PRSS12: variants seen among roughly 807,000 people sequenced by gnomAD.
PRSS12 encodes the protein neurotrypsin.
PRSS12 carries 85 observed loss-of-function variants against 104.4 expected under a neutral mutation model. The observed-to-expected ratio is 0.81, with a 90% CI of 0.68 to 0.98. The LOEUF is 0.98. Among genes scored for constraint, PRSS12 ranks in the 50% least tolerant of loss-of-function variants. The pLI is 0.00. For missense variants in PRSS12, 1,141 were observed against 1,139.2 expected (o/e 1.00, Z -0.02); for synonymous variants, 454 against 425.2 (o/e 1.07, Z -0.83).
chr4:118,298,876 T>C lies in PRSS12; in HGVS notation c.1694A>G (p.Asp565Gly). The change falls in exon 9 of 13, where the codon GAT becomes GGT. Residue 565 changes from aspartate to glycine, a missense_variant. Physicochemically the swap from Asp to Gly is moderately conservative, Grantham distance 94 (BLOSUM62 -1). Transcript: ENST00000296498. ...FGEGKGPIHV[D>G]NVKCTGNERS... ...CTCATTTCCTGTGCACTTCACATTA[T>C]CCACATGGATGGGTCCTTTTCCTTC... The C allele has an allele frequency of 6.2e-7, 1 of 1,614,210 alleles. No individual in the cohort carries two copies. The highest frequency in any genetic ancestry group is 1.3e-5 in the African/African-American group (1 of 75,064).
intron 4 of PRSS12, among the ~76,000 whole-genome samples, chr4:118,319,641 A>C (rs914276925): frequency 6.6e-6 from 1 of 152,094 alleles, no homozygotes; most frequent in Non-Finnish European, 1.5e-5. Context: ...TGTTATTTTC[A>C]GTTCTTTGTT....
intron 4 of PRSS12, among the ~76,000 whole-genome samples, chr4:118,327,637 C>G (rs1420461086): frequency 6.6e-6 from 1 of 152,116 alleles, no homozygotes; most frequent in African/African-American, 2.4e-5. Context: ...TATGATCTCA[C>G]AGTACAAAGC....
rs1211197388 is a variant in PRSS12 at position 118,316,265 on chromosome 4, A to G, written c.1209T>C (p.Tyr403=). 1.2e-6 allele frequency: 2 copies of G among 1,614,092 alleles called. No individual in the cohort carries two copies. The highest frequency in any genetic ancestry group is 1.7e-6 in the Non-Finnish European group (2 of 1,179,998). ...KGSHEGRLEV[Y]YRGQWGTVCD... is the part of the protein sequence containing the mutation. ...AGACAGTTCCCCACTGGCCTCTGTA[A>G]TATACCTCCAAGCGACCCTCATGGC... The change falls in exon 6 of 13, where the codon TAT becomes TAC. Residue 403 remains tyrosine, a synonymous_variant. Coordinates refer to ENST00000296498, the MANE Select transcript of PRSS12 (RefSeq NM_003619.4).
At chr4:118,338,051 G>A (rs1008744517) in intron 2 of PRSS12, 125 bp downstream of exon 2, 7 of 1,281,546 alleles carry the variant, frequency 5.5e-6, no homozygotes, top group African/African-American at 4.4e-5. Context: ...GCTCTTTTGT[G>A]AAAAGTGAGA....
chr4:118,297,462 G>A (rs1303149379), intron 9 of PRSS12, among the ~76,000 whole-genome samples: 2 of 151,864 alleles, frequency 1.3e-5, no homozygotes, highest in Admixed American at 1.3e-4. Flanking sequence ...TCAGGGGAAA[G>A]AGCTGGCCAA....
In PRSS12 at chr4:118,282,056, CTCTCCGG is replaced by C. The variant is rs1406221962; in HGVS notation, c.2501_2507del (p.Pro834ArgfsTer8). 1.2e-6 allele frequency: 2 copies of C among 1,614,254 alleles called. No individual in the cohort carries two copies. Among genetic ancestry groups the C allele is most frequent in the East Asian group, 4.5e-5 (2 of 44,894 alleles). Reference sequence around the variant, plus strand: ...AGGTCACCCCATACACCACCCAGCTCTCTCCGGGCCGTTCACACATGAGTGGTCCTCC... The same window carrying C: ...AGGTCACCCCATACACCACCCAGCTCGCCGTTCACACATGAGTGGTCCTCC... On this transcript the variant is annotated frameshift_variant, in exon 13 of 13. Transcript: ENST00000296498. LOFTEE classifies it high-confidence loss of function.
chr4:118,316,854 A>ATATATATC (rs1375147278), intron 5 of PRSS12, among the ~76,000 whole-genome samples: 209 of 146,510 alleles, frequency 1.4e-3, no homozygotes, highest in Middle Eastern at 0.011. Flanking sequence ...ATATATATAT[A>ATATATATC]TATCTTTCCT....
chr4:118,295,732 T>C (rs1213214585), intron 10 of PRSS12, 46 bp downstream of exon 10: 3 of 1,522,746 alleles, frequency 2.0e-6, no homozygotes, highest in South Asian at 1.1e-5. Context: ...TCTATGTATA[T>C]AAATAATTCT....
chr4:118,301,866 A>C (rs1315915783), intron 8 of PRSS12, among the ~76,000 whole-genome samples: 1 of 152,174 alleles, frequency 6.6e-6, no homozygotes, highest in Non-Finnish European at 1.5e-5. Context: ...TGGGTTTTCT[A>C]GGTGAACAAT....
intron 4 of PRSS12, 69 bp downstream of exon 4, chr4:118,331,647 C>T: frequency 6.3e-7 from 1 of 1,595,008 alleles, no homozygotes; most frequent in Non-Finnish European, 8.6e-7. Context: ...AAACAAACAG[C>T]ACCTGCCTTT....
chr4:118,299,886 C>A (rs1440267669), intron 8 of PRSS12, among the ~76,000 whole-genome samples: 1 of 147,838 alleles, frequency 6.8e-6, no homozygotes, highest in African/African-American at 2.4e-5. Flanking sequence ...GAGGCTGAGG[C>A]AGGAGAATGG....
At chr4:118,286,091 T>C (rs914052416) in intron 11 of PRSS12, among the ~76,000 whole-genome samples, 4 of 152,214 alleles carry the variant, frequency 2.6e-5, no homozygotes, top group Non-Finnish European at 5.9e-5. Context: ...GCCAAGACTA[T>C]TGCAGTAGTC....
rs1180330196 is a variant in PRSS12, at chr4:118,290,252, C to T, written c.2039+4687G>A. On this transcript the variant is annotated intron_variant, in intron 11 of 12. Coordinates refer to ENST00000296498, the MANE Select transcript of PRSS12 (RefSeq NM_003619.4). ...AACAACAACAAAAAAAAGAGCCCAT[C>T]CAGGGAACCCAAAAGTTAAAGTGTT... Among the ~76,000 whole-genome samples, 10 of 152,086 alleles carry T rather than the reference C, an allele frequency of 6.6e-5. No individual in the cohort carries two copies. In the East Asian group the frequency reaches 1.9e-3, roughly 29 times the overall value.
intron 11 of PRSS12, 88 bp downstream of exon 11, chr4:118,294,851 G>C: frequency 6.4e-7 from 1 of 1,556,266 alleles, no homozygotes; most frequent in Non-Finnish European, 8.8e-7. Context: ...GCCTGGCTCT[G>C]ACACCTTGAG....
At chr4:118,335,370 A>T in intron 3 of PRSS12, 103 bp downstream of exon 3, 1 of 1,331,370 alleles carries the variant, frequency 7.5e-7, no homozygotes, top group Non-Finnish European at 1.0e-6. Context: ...TTCTGTAATT[A>T]AAGTCTTTAA....
intron 5 of PRSS12, among the ~76,000 whole-genome samples, chr4:118,317,432 G>C (rs1723475125): frequency 6.6e-6 from 1 of 152,128 alleles, no homozygotes; most frequent in Non-Finnish European, 1.5e-5. Flanking sequence ...TTAAAGTAAA[G>C]GTCTCTGAGC....
chr4:118,293,791 A>G (rs1476688720), intron 11 of PRSS12, among the ~76,000 whole-genome samples: 2 of 152,226 alleles, frequency 1.3e-5, no homozygotes, highest in African/African-American at 4.8e-5. Flanking sequence ...TTATAAACTG[A>G]TACAATTTCT....
At chr4:118,323,659 G>C (rs577932730) in intron 4 of PRSS12, among the ~76,000 whole-genome samples, 1 of 151,808 alleles carries the variant, frequency 6.6e-6, no homozygotes, top group East Asian at 1.9e-4. Context: ...AACCAAAAAA[G>C]TTAAATTCAA....
Position 118,282,898 on chromosome 4 carries a change from T to C in PRSS12, c.2253A>G (p.Leu751=). 1 of 1,614,190 alleles carries C rather than the reference T, an allele frequency of 6.2e-7. No homozygotes were observed. The highest frequency in any genetic ancestry group is 8.5e-7 in the Non-Finnish European group (1 of 1,180,026). The stretch of plus-strand genomic sequence containing the variant: ...TCTGTGGCCTCTCTCTCCAGAGTGG[T>C]AAACAGGCTGGCAAAACATGGCTGC... The part of the protein sequence containing the change: ...RFSSHVLPAC[L]PLWRERPQKT... The change falls in exon 12 of 13, where the codon TTA becomes TTG. Residue 751 remains leucine, a synonymous_variant. Coordinates refer to ENST00000296498, the MANE Select transcript of PRSS12 (RefSeq NM_003619.4).
Sources: allele counts gnomAD v4.1 joint callset (sites outside exome capture counted in the v4.1 genomes callset), GRCh38; gene constraint gnomAD v4.1.1; transcripts MANE v1.5; gene names NCBI Gene and HGNC (gene_info 2026-07-23, HGNC 2026-07-21).